Variants in LIN7A observed in about 807,000 individuals in gnomAD.
LIN7A encodes the protein lin-7 cell polarity scaffold A, also known as protein lin-7 homolog A.
Under a neutral mutation model 29.8 loss-of-function variants are expected in LIN7A, and 25 were observed. The ratio of observed to expected loss-of-function variants is 0.84; its 90% CI spans 0.61 to 1.17. The LOEUF is 1.17. Among genes scored for constraint, LIN7A ranks in the 50% most tolerant of loss-of-function variants. The probability of loss-of-function intolerance (pLI) is 0.00; values close to 1 mark genes in which losing one functional copy is unlikely to be tolerated. For synonymous variants in LIN7A, 118 were observed against 107.5 expected, an observed-to-expected ratio of 1.10 and a Z score of -0.60; for missense variants, 239 against 287.0, an observed-to-expected ratio of 0.83 and a Z score of 1.21.
intron 2 of LIN7A, among the ~76,000 whole-genome samples, chr12:80,869,630 A>G (rs879354668): frequency 6.6e-6 from 1 of 152,210 alleles, no homozygotes; most frequent in Non-Finnish European, 1.5e-5. Context: ...ATTTCATGGA[A>G]TAACATGTAT....
At chr12:80,931,048 A>G (rs1336987473) in intron 1 of LIN7A, among the ~76,000 whole-genome samples, 2 of 152,296 alleles carry the variant, frequency 1.3e-5, no homozygotes, top group Non-Finnish European at 2.9e-5. Flanking sequence ...AAAGAACTCA[A>G]AGAGATACTG....
chr12:80,819,782 T>A lies in LIN7A; in HGVS notation c.484-8099A>T, dbSNP rs577414443. ...ATTAAATTTAACATACATAAAGCAC[T>A]TGGAACAGTGCCTAGGATTTACAAA... On this transcript the variant is annotated intron_variant, in intron 4 of 5. Transcript: ENST00000552864. Among the ~76,000 whole-genome samples the A allele has an allele frequency of 1.0e-3, 153 of 152,302 alleles. 1 individual carries two copies. Among genetic ancestry groups the A allele is most frequent in the African/African-American group, 3.6e-3 (149 of 41,560 alleles).
At chr12:80,882,430 G>A (rs1285532911) in intron 2 of LIN7A, among the ~76,000 whole-genome samples, 1 of 146,370 alleles carries the variant, frequency 6.8e-6, no homozygotes, top group East Asian at 2.0e-4. Context: ...GACTACAGGC[G>A]CCCGCCACTA....
At chr12:80,856,805 G>A (rs1465319287) in intron 2 of LIN7A, among the ~76,000 whole-genome samples, 4 of 152,098 alleles carry the variant, frequency 2.6e-5, no homozygotes, top group African/African-American at 9.7e-5. Flanking sequence ...TGACAACCAA[G>A]TTATTAATAG....
chr12:80,807,538 C>A (rs1871103844), intron 5 of LIN7A, among the ~76,000 whole-genome samples: 1 of 152,090 alleles, frequency 6.6e-6, no homozygotes. Flanking sequence ...ATATTTCTTT[C>A]AAAATACTTG....
At chr12:80,903,317 T>C (rs374112590) in intron 1 of LIN7A, among the ~76,000 whole-genome samples, 2 of 152,028 alleles carry the variant, frequency 1.3e-5, no homozygotes, top group African/African-American at 4.8e-5. Flanking sequence ...TATTGTCTGA[T>C]TGATGTATGC....
At chr12:80,912,718 A>C (rs1273169197) in intron 1 of LIN7A, among the ~76,000 whole-genome samples, 1 of 35,350 alleles carries the variant, frequency 2.8e-5, no homozygotes, top group Non-Finnish European at 2.0e-4. Flanking sequence ...TGTCTCAAAA[A>C]AAAAAAAAAA....
At chr12:80,804,831 G>A (rs1412374845) in intron 5 of LIN7A, among the ~76,000 whole-genome samples, 1 of 152,092 alleles carries the variant, frequency 6.6e-6, no homozygotes, top group African/African-American at 2.4e-5. Flanking sequence ...TGGGATTACA[G>A]GTGTGAGCCA....
intron 1 of LIN7A, among the ~76,000 whole-genome samples, chr12:80,901,904 G>C (rs547984937): frequency 6.6e-6 from 1 of 152,218 alleles, no homozygotes; most frequent in South Asian, 2.1e-4. Flanking sequence ...ACATCTTTAA[G>C]GGGTAATTAG....
At chr12:80,904,343 C>A (rs1486650968) in intron 1 of LIN7A, among the ~76,000 whole-genome samples, 2 of 152,126 alleles carry the variant, frequency 1.3e-5, no homozygotes, top group African/African-American at 4.8e-5. Flanking sequence ...TAGTGATTTT[C>A]AAGAACACTA....
intron 2 of LIN7A, among the ~76,000 whole-genome samples, chr12:80,853,610 C>T (rs1306678128): frequency 6.8e-6 from 1 of 146,500 alleles, no homozygotes; most frequent in Non-Finnish European, 1.5e-5. Context: ...TACTTAGATA[C>T]ACCTACACAC....
At chr12:80,935,720 C>T (rs761488022) in intron 1 of LIN7A, 1 of 465,880 alleles carries the variant, frequency 2.1e-6, no homozygotes, top group African/African-American at 2.0e-5. Context: ...TTTCCATGAG[C>T]TGCTGATGAA....
intron 1 of LIN7A, among the ~76,000 whole-genome samples, chr12:80,926,201 TAACTAG>T (rs747704196): frequency 2.0e-5 from 3 of 152,248 alleles, no homozygotes; most frequent in Non-Finnish European, 4.4e-5. Context: ...TCTGTTGACT[TAACTAG>T]AACATAAGCA....
At chr12:80,825,704 A>G (rs1872032781) in intron 4 of LIN7A, among the ~76,000 whole-genome samples, 2 of 152,132 alleles carry the variant, frequency 1.3e-5, no homozygotes, top group South Asian at 4.1e-4. Flanking sequence ...TATCATGGGC[A>G]ATGACATCTC....
chr12:80,805,292 C>T (rs114115924), intron 5 of LIN7A, among the ~76,000 whole-genome samples: 74 of 152,006 alleles, frequency 4.9e-4, no homozygotes, highest in African/African-American at 1.6e-3. Context: ...AGTGACTAGG[C>T]GGATAGTTTT....
intron 1 of LIN7A, among the ~76,000 whole-genome samples, chr12:80,914,585 G>A (rs1273512566): frequency 2.6e-5 from 4 of 152,162 alleles, no homozygotes; most frequent in South Asian, 2.1e-4. Context: ...CATGTTTCAC[G>A]TTATCTTTCA....
intron 2 of LIN7A, among the ~76,000 whole-genome samples, chr12:80,858,681 T>A (rs1485761765): frequency 6.6e-6 from 1 of 152,140 alleles, no homozygotes; most frequent in Non-Finnish European, 1.5e-5. Context: ...GAATTATCTT[T>A]ATTTGCTTAT....
At chr12:80,814,324 T>C (rs921598013) in intron 4 of LIN7A, among the ~76,000 whole-genome samples, 4 of 152,210 alleles carry the variant, frequency 2.6e-5, no homozygotes, top group Non-Finnish European at 5.9e-5. Context: ...TGTTAATGCA[T>C]ATAATTTTCC....
intron 1 of LIN7A, chr12:80,935,795 C>T (rs1356130766): frequency 2.0e-6 from 1 of 508,444 alleles, no homozygotes; most frequent in Admixed American, 1.9e-5. Flanking sequence ...TACGTAATTA[C>T]ACTCAGAAGG....
Sources: allele counts gnomAD v4.1 joint callset (sites outside exome capture counted in the v4.1 genomes callset), GRCh38; gene constraint gnomAD v4.1.1; transcripts MANE v1.5; gene names NCBI Gene and HGNC (gene_info 2026-07-23, HGNC 2026-07-21).